The following IL4I1 variants were observed in gnomAD, a reference collection of about 807,000 sequenced individuals.
IL4I1 encodes interleukin 4 induced 1, also known as L-amino-acid oxidase.
A neutral mutation model predicts 29.7 loss-of-function variants in IL4I1; 24 were observed. The ratio of observed to expected loss-of-function variants is 0.81; its 90% CI spans 0.59 to 1.14. The LOEUF (loss-of-function observed/expected upper bound fraction) is 1.14, where lower values mean the gene tolerates loss of function less well. IL4I1 is among the 50% of genes most tolerant of loss of function. The pLI is 0.00. For missense variants in IL4I1, 686 were observed against 785.6 expected (o/e 0.87, Z 1.52); for synonymous variants, 371 against 352.5 (o/e 1.05, Z -0.59).
intron 5 of IL4I1, among the ~76,000 whole-genome samples, chr19:49,892,381 G>A (rs955872264): frequency 6.6e-6 from 1 of 152,044 alleles, no homozygotes; most frequent in Non-Finnish European, 1.5e-5. Context: ...TGCGTGCCAG[G>A]TACCCGCCTT....
intron 2 of IL4I1, among the ~76,000 whole-genome samples, chr19:49,912,461 G>A (rs944383302): frequency 6.6e-6 from 1 of 152,068 alleles, no homozygotes; most frequent in African/African-American, 2.4e-5. Context: ...GAGCCACTGC[G>A]CCCGGCCAAC....
chr19:49,896,080 G>A (rs1467037567), intron 2 of IL4I1, 27 bp from the exon 3 acceptor site: 1 of 1,609,314 alleles, frequency 6.2e-7, no homozygotes, highest in Non-Finnish European at 8.5e-7. Context: ...AGGGTCAACG[G>A]GGTTGTGGCA....
At chr19:49,924,453 CTCCCCG>C (rs1159519169) in intron 2 of IL4I1, among the ~76,000 whole-genome samples, 1 of 152,182 alleles carries the variant, frequency 6.6e-6, no homozygotes, top group Non-Finnish European at 1.5e-5. Flanking sequence ...AATCCCCGAA[CTCCCCG>C]TCCCCGTCAA....
At chr19:49,926,839 C>T (rs2122779931) in intron 2 of IL4I1, among the ~76,000 whole-genome samples, 1 of 148,562 alleles carries the variant, frequency 6.7e-6, no homozygotes, top group Middle Eastern at 3.4e-3. Context: ...CTTGTAACAG[C>T]CCTAAGAAGT....
chr19:49,926,685 C>T (rs1294813965), intron 2 of IL4I1, among the ~76,000 whole-genome samples: 1 of 152,206 alleles, frequency 6.6e-6, no homozygotes, highest in African/African-American at 2.4e-5. Context: ...TTAATTCCAT[C>T]TGCTTTTGTT....
Position 49,909,071 on chromosome 19 carries a change from G to A in IL4I1, c.-227-4750C>T, listed in dbSNP as rs765930916. 21 of 1,612,484 alleles carry A rather than the reference G, an allele frequency of 1.3e-5. No individual in the cohort carries two copies. Among genetic ancestry groups the A allele is most frequent in the Admixed American group, 5.0e-5 (3 of 60,008 alleles). ...CTGTGTCCCAGCAGTGGGGGCGCCC[G>A]CTGTGGTCACAGGGGTACAGAGGGA... On this transcript the variant is annotated intron_variant, in intron 2 of 9. Transcript: ENST00000341114.
chr19:49,907,379 TG>T (rs2122581140), intron 2 of IL4I1: 1 of 343,902 alleles, frequency 2.9e-6, no homozygotes, highest in East Asian at 1.1e-4. Flanking sequence ...CTCAACACCC[TG>T]TGTGTGCAGG....
chr19:49,920,902 C>T (rs1156541377), intron 2 of IL4I1, among the ~76,000 whole-genome samples: 1 of 152,248 alleles, frequency 6.6e-6, no homozygotes, highest in Admixed American at 6.5e-5. Flanking sequence ...TCAGCTTCCC[C>T]GGGGAGAGGC....
rs574500183 is a variant in IL4I1, at chr19:49,893,210, A to T, written c.567+1058T>A. Among the ~76,000 whole-genome samples, 153 of 152,046 alleles carry T rather than the reference A, an allele frequency of 1.0e-3. 1 individual carries two copies. Among genetic ancestry groups the T allele is most frequent in the Admixed American group, 8.1e-3 (124 of 15,270 alleles). ...GCCACTGGGGGCTGTGAGCAGCATC[A>T]CTCTGGGTGTGTGGGAAGACGTTTC... On this transcript the variant is annotated intron_variant, in intron 5 of 7. Coordinates refer to ENST00000391826, the MANE Select transcript of IL4I1 (RefSeq NM_152899.2).
intron 5 of IL4I1, 52 bp from the exon 6 acceptor site, chr19:49,891,525 G>A (rs1320336176): frequency 6.6e-7 from 1 of 1,524,930 alleles, no homozygotes; most frequent in African/African-American, 1.4e-5. Context: ...AGCCAGGGTG[G>A]AGGCCGGGCC....
chr19:49,906,070 C>G (rs1033765350), intron 2 of IL4I1, among the ~76,000 whole-genome samples: 37 of 152,158 alleles, frequency 2.4e-4, no homozygotes, highest in African/African-American at 8.9e-4. Flanking sequence ...TAGGACCATT[C>G]CAGTCCATAG....
At position 49,904,803 on chromosome 19, in the gene IL4I1, G is replaced by A. The variant is rs926219978; in HGVS notation, c.-227-482C>T. ...CTGCTCACTGTAAGCTCCGCCTCCC[G>A]GGTTCATGCCATTCTCCTGCCTCAG... On this transcript the variant is annotated intron_variant, in intron 2 of 9. Transcript: ENST00000341114. Among the ~76,000 whole-genome samples, 9 of 151,940 alleles carry A rather than the reference G, an allele frequency of 5.9e-5. No individual in the cohort carries two copies. The South Asian group carries it at 6.2e-4, about 11-fold the overall frequency.
At chr19:49,912,317 T>C (rs1480844957) in intron 2 of IL4I1, among the ~76,000 whole-genome samples, 1 of 152,056 alleles carries the variant, frequency 6.6e-6, no homozygotes, top group African/African-American at 2.4e-5. Flanking sequence ...TACAGGCGCA[T>C]GCCACCACGC....
chr19:49,894,759 A>G (rs974320588), intron 4 of IL4I1, among the ~76,000 whole-genome samples: 1 of 151,182 alleles, frequency 6.6e-6, no homozygotes, highest in Non-Finnish European at 1.5e-5. Context: ...TGAGATGAAG[A>G]AGGGGCCTGG....
upstream of IL4I1, among the ~76,000 whole-genome samples, chr19:49,899,972 C>T (rs189715556): frequency 4.4e-4 from 67 of 152,114 alleles, no homozygotes; most frequent in African/African-American, 1.4e-3. Context: ...GTAGCTGGGA[C>T]CACAGGTGCA....
chr19:49,896,461 G>C (rs952842977), intron 1 of IL4I1, among the ~76,000 whole-genome samples: 5 of 148,594 alleles, frequency 3.4e-5, no homozygotes, highest in Non-Finnish European at 7.4e-5. Flanking sequence ...TTTTTTAACA[G>C]TCTTTCTCTG....
chr19:49,923,768 A>C (rs2075818991), intron 2 of IL4I1, among the ~76,000 whole-genome samples: 1 of 152,238 alleles, frequency 6.6e-6, no homozygotes, highest in Non-Finnish European at 1.5e-5. Flanking sequence ...AGTCATAGAA[A>C]GAGGATGCCA....
intron 2 of IL4I1, among the ~76,000 whole-genome samples, chr19:49,915,291 G>A (rs1421932623): frequency 1.3e-5 from 2 of 152,180 alleles, no homozygotes; most frequent in Non-Finnish European, 2.9e-5. Flanking sequence ...TTATCCACGT[G>A]AGCCCCAGGT....
intron 3 of IL4I1, 92 bp from the exon 4 acceptor site, chr19:49,895,272 T>G (rs1460279856): frequency 3.0e-6 from 3 of 1,003,604 alleles, no homozygotes; most frequent in Non-Finnish European, 4.5e-6. Context: ...CCCTGCCTTC[T>G]TCCATCCCCA....
Sources: allele counts gnomAD v4.1 joint callset (sites outside exome capture counted in the v4.1 genomes callset), GRCh38; gene constraint gnomAD v4.1.1; transcripts MANE v1.5; gene names NCBI Gene and HGNC (gene_info 2026-07-23, HGNC 2026-07-21).